The following CREB5 variants were observed in gnomAD, a reference collection of about 807,000 sequenced individuals.
CREB5 encodes cyclic AMP-responsive element-binding protein 5.
A neutral mutation model predicts 57.1 loss-of-function variants in CREB5; 19 were observed. That is an observed-to-expected ratio of 0.33 (90% CI 0.23 to 0.49). The LOEUF (loss-of-function observed/expected upper bound fraction) is 0.49, where lower values mean the gene tolerates loss of function less well. Among genes scored for constraint, CREB5 ranks in the 20% least tolerant of loss-of-function variants. CREB5 has a pLI of 0.99. For synonymous variants in CREB5, 238 were observed against 238.3 expected, an observed-to-expected ratio of 1.00 and a Z score of 0.01; for missense variants, 579 against 671.6, an observed-to-expected ratio of 0.86 and a Z score of 1.52.
chr7:28,619,236 G>A (rs1048364895), intron 5 of CREB5, among the ~76,000 whole-genome samples: 2 of 152,198 alleles, frequency 1.3e-5, no homozygotes, highest in Non-Finnish European at 1.5e-5. Context: ...AACAGTAGAG[G>A]TGGGGTTTGA....
intron 1 of CREB5, among the ~76,000 whole-genome samples, chr7:28,344,645 T>A (rs1277698961): frequency 6.6e-6 from 1 of 152,130 alleles, no homozygotes; most frequent in Non-Finnish European, 1.5e-5. Context: ...AAAATGGCAG[T>A]AGTAAGTTCT....
At chr7:28,750,805 C>T (rs148105318) in intron 7 of CREB5, among the ~76,000 whole-genome samples, 20 of 152,084 alleles carry the variant, frequency 1.3e-4, no homozygotes, top group Admixed American at 1.1e-3. Flanking sequence ...ATATTAAATA[C>T]TCATTTTAAA....
chr7:28,796,609 A>C (rs1808058406), intron 7 of CREB5, among the ~76,000 whole-genome samples: 1 of 152,196 alleles, frequency 6.6e-6, no homozygotes, highest in African/African-American at 2.4e-5. Context: ...AGGCTTTAAA[A>C]CCAAGACTTC....
intron 1 of CREB5, among the ~76,000 whole-genome samples, chr7:28,304,435 C>G (rs1785151265): frequency 6.6e-6 from 1 of 152,134 alleles, no homozygotes; most frequent in Non-Finnish European, 1.5e-5. Context: ...CTTTTCATCT[C>G]CTCTTTCAAA....
At chr7:28,554,678 A>G (rs1043427591) in intron 4 of CREB5, among the ~76,000 whole-genome samples, 1 of 152,250 alleles carries the variant, frequency 6.6e-6, no homozygotes, top group Non-Finnish European at 1.5e-5. Context: ...TGGAGGCAGG[A>G]CAGGGTCCCT....
chr7:28,712,488 A>G (rs1802444887), intron 5 of CREB5, among the ~76,000 whole-genome samples: 1 of 135,326 alleles, frequency 7.4e-6, no homozygotes, highest in Non-Finnish European at 1.7e-5. Context: ...AGCCTAGGCA[A>G]CAAGAGTGAA....
chr7:28,621,198 G>A (rs1422791363), intron 5 of CREB5, among the ~76,000 whole-genome samples: 1 of 150,982 alleles, frequency 6.6e-6, no homozygotes, highest in African/African-American at 2.4e-5. Context: ...GGGTTGGGGG[G>A]TGGGGGTCAC....
chr7:28,534,028 C>T (rs1793851871), intron 4 of CREB5, among the ~76,000 whole-genome samples: 1 of 152,188 alleles, frequency 6.6e-6, no homozygotes, highest in South Asian at 2.1e-4. Flanking sequence ...AAAAGCAAAT[C>T]TGTATCTATT....
At chr7:28,655,712 T>C (rs1799308221) in intron 5 of CREB5, among the ~76,000 whole-genome samples, 1 of 152,242 alleles carries the variant, frequency 6.6e-6, no homozygotes, top group Non-Finnish European at 1.5e-5. Context: ...AATTTTTATA[T>C]TATGTGCTTT....
chr7:28,802,351 CTTTATG>C (rs1236976282), intron 7 of CREB5, among the ~76,000 whole-genome samples: 2 of 151,956 alleles, frequency 1.3e-5, no homozygotes, highest in Non-Finnish European at 2.9e-5. Flanking sequence ...GGTAGAGGCT[CTTTATG>C]TTTAATTAAG....
intron 7 of CREB5, among the ~76,000 whole-genome samples, chr7:28,730,821 G>A (rs1165457669): frequency 2.0e-5 from 3 of 152,158 alleles, no homozygotes; most frequent in Non-Finnish European, 4.4e-5. Context: ...GGTATAACCA[G>A]GACCTGAGCC....
intron 5 of CREB5, among the ~76,000 whole-genome samples, chr7:28,645,012 C>A: frequency 6.6e-6 from 1 of 152,230 alleles, no homozygotes; most frequent in South Asian, 2.1e-4. Flanking sequence ...TCTTTTCAGA[C>A]GGAAGATCCC....
At chr7:28,789,631 G>A (rs1020861513) in intron 7 of CREB5, among the ~76,000 whole-genome samples, 2 of 152,176 alleles carry the variant, frequency 1.3e-5, no homozygotes, top group East Asian at 1.9e-4. Context: ...AAGAGCAATG[G>A]AATAGAAAGA....
At chr7:28,354,390 C>G (rs964176613) in intron 1 of CREB5, among the ~76,000 whole-genome samples, 2 of 152,140 alleles carry the variant, frequency 1.3e-5, no homozygotes, top group Non-Finnish European at 2.9e-5. Context: ...AGCCTCCCAG[C>G]CTATGTCTTT....
intron 5 of CREB5, among the ~76,000 whole-genome samples, chr7:28,633,765 A>G (rs1460869056): frequency 6.6e-6 from 1 of 152,200 alleles, no homozygotes; most frequent in African/African-American, 2.4e-5. Flanking sequence ...GCATCTCCAA[A>G]GACATAAAGA....
At chr7:28,376,092 C>T (rs1245443446) in intron 1 of CREB5, among the ~76,000 whole-genome samples, 1 of 152,154 alleles carries the variant, frequency 6.6e-6, no homozygotes, top group African/African-American at 2.4e-5. Flanking sequence ...GCTGGCTCAT[C>T]AGACTGATTG....
At chr7:28,368,098 C>A (rs1786627219) in intron 1 of CREB5, among the ~76,000 whole-genome samples, 1 of 152,146 alleles carries the variant, frequency 6.6e-6, no homozygotes. Flanking sequence ...AAAATAATTA[C>A]AGGATGGAAC....
chr7:28,630,877 C>T (rs1798175090), intron 5 of CREB5, among the ~76,000 whole-genome samples: 2 of 152,162 alleles, frequency 1.3e-5, no homozygotes, highest in African/African-American at 4.8e-5. Context: ...GACTACCTCC[C>T]TTGTATTCCA....
At chr7:28,652,129 A>C (rs1799150543) in intron 5 of CREB5, among the ~76,000 whole-genome samples, 1 of 152,206 alleles carries the variant, frequency 6.6e-6, no homozygotes, top group Admixed American at 6.5e-5. Context: ...ATTAATAAAA[A>C]AATTTTATTT....
Sources: gnomAD v4.1 joint callset for allele counts (sites outside exome capture counted in the v4.1 genomes callset) on GRCh38, gnomAD v4.1.1 for gene constraint, MANE v1.5 for transcripts, NCBI Gene and HGNC (gene_info 2026-07-23, HGNC 2026-07-21) for gene names.